Variants in EMILIN2 observed in about 807,000 individuals in gnomAD.
EMILIN2 encodes the protein EMILIN-2.
A neutral mutation model predicts 87.1 loss-of-function variants in EMILIN2; 71 were observed. The ratio of observed to expected loss-of-function variants is 0.82; its 90% CI spans 0.67 to 0.99. The LOEUF (loss-of-function observed/expected upper bound fraction) is 0.99, where lower values mean the gene tolerates loss of function less well. Ranked by LOEUF, EMILIN2 falls within the 50% of genes least tolerant of loss-of-function variation. EMILIN2 has a pLI of 0.00. For synonymous variants in EMILIN2, 581 were observed against 563.4 expected (o/e 1.03, Z -0.44); for missense variants, 1,407 against 1,371.8 (o/e 1.03, Z -0.40).
In EMILIN2 at chr18:2,892,482, A is replaced by C; in HGVS notation, c.2355A>C (p.Ser785=). The C allele has an allele frequency of 6.3e-7, 1 of 1,587,178 alleles. No individual in the cohort carries two copies. Among genetic ancestry groups the C allele is most frequent in the African/African-American group, 1.3e-5 (1 of 74,514 alleles). The part of the protein sequence containing the change: ...DLQDLVKFQP[S]AKAPSPPPPA... ...AAGATCTGGTCAAATTTCAGCCATC[A>C]GCAAGTAAGTTGAATATTACAATTC... The change falls in exon 4 of 8, where the codon TCA becomes TCC. Residue 785 remains serine, a synonymous_variant. Transcript: ENST00000254528.
In EMILIN2 at chr18:2,908,973, C is replaced by T; in HGVS notation, c.2693C>T (p.Pro898Leu). 1 of 1,613,384 alleles carries T rather than the reference C, an allele frequency of 6.2e-7. No individual in the cohort carries two copies. The highest frequency in any genetic ancestry group is 8.5e-7 in the Non-Finnish European group (1 of 1,180,008). The change falls in exon 6 of 8, where the codon CCA becomes CTA. Residue 898 changes from proline to leucine, a missense_variant and splice_region_variant. By Grantham distance (98) the Pro-to-Leu change is moderately conservative. Coordinates refer to ENST00000254528, the MANE Select transcript of EMILIN2 (RefSeq NM_032048.3). ...GYPKSPPVAS[P>L]GAPVPSLVSF... is the part of the protein sequence containing the mutation. ...CCGAAGTCACCTCCTGTAGCTTCCC[C>T]AGGTATGTCTGCTGAGAGACCAGGA...
chr18:2,906,812 GC>G lies in EMILIN2; in HGVS notation c.2393del (p.Pro798ArgfsTer98). ...GCCCTCGCCCCCGCCGCCCGCAGAG[GC>G]CCCGAAGGAGCCGCTGCAGCCCGAG... Reference protein sequence around the residue: ...KAPSPPPPAEAPKEPLQPEPA... With the variant: ...KAPSPPPPAEXPKEPLQPEPA... On this transcript the variant is annotated frameshift_variant, in exon 5 of 8. Transcript: ENST00000254528. LOFTEE classifies it high-confidence loss of function. 1 of 1,313,234 alleles carries G rather than the reference GC, an allele frequency of 7.6e-7. No individual in the cohort carries two copies. The highest frequency in any genetic ancestry group is 9.6e-7 in the Non-Finnish European group (1 of 1,036,764). 81.3% of individuals were successfully genotyped at this position (1,313,234 alleles called of 1,614,324 possible).
intron 2 of EMILIN2, among the ~76,000 whole-genome samples, chr18:2,860,158 C>T (rs1266450411): frequency 6.6e-6 from 1 of 152,118 alleles, no homozygotes; most frequent in Non-Finnish European, 1.5e-5. Flanking sequence ...TTGCTCTTGA[C>T]AGTATGGTCA....
rs1370061592 is a variant in EMILIN2 at position 2,890,489 on chromosome 18, GTTTA to G, written c.434-69_434-66del. 1 of 1,502,136 alleles carries G rather than the reference GTTTA, an allele frequency of 6.7e-7. No homozygotes were observed. Among genetic ancestry groups the G allele is most frequent in the East Asian group, 2.3e-5 (1 of 43,862 alleles). The allele number at this position is 1,502,136 out of a possible 1,614,324, so 93.1% of individuals were successfully genotyped here. A position where few individuals can be genotyped will look rare whatever the true frequency, so the allele number is the denominator to read the frequency against. ...TGTACATGTATTTTGTAGGTACCTT[GTTTA>G]TTGTCTTGGCAGAATCTGGCTAAAG... On this transcript the variant is annotated intron_variant, in intron 3 of 7. Transcript: ENST00000254528. This position sits in a 1 kb window ranked among gnomAD's most constrained non-coding sequence, Gnocchi z 4.7.
chr18:2,899,246 C>A (rs537520326), intron 4 of EMILIN2, among the ~76,000 whole-genome samples: 44 of 152,230 alleles, frequency 2.9e-4, no homozygotes, highest in African/African-American at 9.9e-4. Flanking sequence ...GGGATCTACC[C>A]ACCCCAGGTA....
intron 2 of EMILIN2, among the ~76,000 whole-genome samples, chr18:2,859,881 A>C (rs2076651800): frequency 6.6e-6 from 1 of 152,104 alleles, no homozygotes; most frequent in Admixed American, 6.6e-5. Flanking sequence ...GTTGGCTGTA[A>C]GTATTTGGGT....
At chr18:2,853,731 G>A (rs971100256) in intron 2 of EMILIN2, among the ~76,000 whole-genome samples, 7 of 152,300 alleles carry the variant, frequency 4.6e-5, no homozygotes, top group African/African-American at 7.2e-5. Context: ...GCAGCCCCTG[G>A]AGGTCTCAAT....
chr18:2,876,812 T>C (rs1382676788), intron 2 of EMILIN2, among the ~76,000 whole-genome samples: 1 of 152,242 alleles, frequency 6.6e-6, no homozygotes, highest in Admixed American at 6.5e-5. Context: ...AATCTGATTT[T>C]TATCAGGGCT....
rs949215958 is a variant in EMILIN2 at position 2,907,054 on chromosome 18, C to T, written c.2631C>T (p.Val877=). 91 of 1,270,216 alleles carry T rather than the reference C, an allele frequency of 7.2e-5. 1 individual carries two copies. Among genetic ancestry groups the T allele is most frequent in the Middle Eastern group, 6.0e-4 (2 of 3,310 alleles). 78.7% of individuals were successfully genotyped at this position (1,270,216 alleles called of 1,614,324 possible). A position where few individuals can be genotyped will look rare whatever the true frequency, so the allele number is the denominator to read the frequency against. Residue 877 remains valine (V), a synonymous_variant, in exon 5 of 8, where the codon GTC becomes GTT. Coordinates refer to ENST00000254528, the MANE Select transcript of EMILIN2 (RefSeq NM_032048.3). ...ACGGCCAGACCGGGAGCGGCACCGTCCCCGGCGCAGAAGGCTTCGCGGGCG... is the reference window on the plus strand; with the variant it reads ...ACGGCCAGACCGGGAGCGGCACCGTTCCCGGCGCAGAAGGCTTCGCGGGCG... ...GVDGQTGSGT[V]PGAEGFAGAP...
intron 5 of EMILIN2, among the ~76,000 whole-genome samples, chr18:2,908,231 C>G (rs1477714798): frequency 1.3e-5 from 2 of 152,212 alleles, no homozygotes; most frequent in Non-Finnish European, 2.9e-5. Context: ...TCCACGCACC[C>G]TTCCGTGCAT....
At position 2,891,939 on chromosome 18, in the gene EMILIN2, T is replaced by C. The variant is rs929221181; in HGVS notation, c.1812T>C (p.Leu604=). The change falls in exon 4 of 8, where the codon CTT becomes CTC. Residue 604 remains leucine (L), a synonymous_variant. Coordinates refer to ENST00000254528, the MANE Select transcript of EMILIN2 (RefSeq NM_032048.3). This position sits in a 1 kb window ranked among gnomAD's most constrained non-coding sequence, Gnocchi z 4.6. ...FQETEQTIQK[L]QQDFSFLYSQ... is the part of the protein sequence containing the mutation. ...AAACCGAACAAACCATCCAGAAACT[T>C]CAACAGGATTTTAGTTTTCTTTATT... 7 of 1,614,026 alleles carry C rather than the reference T, an allele frequency of 4.3e-6. No individual in the cohort carries two copies. In the Admixed American group the frequency reaches 8.3e-5, roughly 19 times the overall value.
chr18:2,884,392 T>C (rs901620025), intron 2 of EMILIN2, among the ~76,000 whole-genome samples: 1 of 150,108 alleles, frequency 6.7e-6, no homozygotes, highest in African/African-American at 2.4e-5. Context: ...ACTACAGGCA[T>C]GCGCCACAAC....
intron 2 of EMILIN2, among the ~76,000 whole-genome samples, chr18:2,852,618 A>G (rs1276275258): frequency 2.0e-5 from 3 of 152,200 alleles, no homozygotes; most frequent in African/African-American, 7.2e-5. Context: ...TCCTGGGTTC[A>G]AGCGATTCTC....
intron 3 of EMILIN2, among the ~76,000 whole-genome samples, chr18:2,889,535 G>A (rs1387917018): frequency 6.6e-6 from 1 of 151,822 alleles, no homozygotes; most frequent in Non-Finnish European, 1.5e-5. Context: ...TTACCTCTAT[G>A]TCTATCAATT....
chr18:2,881,108 G>C (rs74945417), intron 2 of EMILIN2, among the ~76,000 whole-genome samples: 2,006 of 152,210 alleles, frequency 0.013, 37 homozygotes, highest in African/African-American at 0.046. Context: ...AGGGATTTGG[G>C]ATTGGACAAC....
At position 2,913,516 on chromosome 18, in the gene EMILIN2, C is replaced by G. The variant is rs1331319783; in HGVS notation, c.*112C>G. The G allele has an allele frequency of 2.3e-6, 2 of 872,202 alleles. No individual in the cohort carries two copies. Among genetic ancestry groups the G allele is most frequent in the Non-Finnish European group, 3.4e-6 (2 of 583,684 alleles). 54.0% of individuals were successfully genotyped at this position (872,202 alleles called of 1,614,324 possible). On this transcript the variant is annotated 3_prime_UTR_variant, in exon 8 of 8. Transcript: ENST00000254528. ...CGGGGCTAGAGTTTCCACATAGGCCCCAACATAAAGGCCTTCCCTCGCTGT... is the reference window on the plus strand; with the variant it reads ...CGGGGCTAGAGTTTCCACATAGGCCGCAACATAAAGGCCTTCCCTCGCTGT...
chr18:2,877,348 A>T (rs1686361750), intron 2 of EMILIN2, among the ~76,000 whole-genome samples: 1 of 152,150 alleles, frequency 6.6e-6, no homozygotes, highest in African/African-American at 2.4e-5. Flanking sequence ...ATGTTTAGCA[A>T]AGTGTCAATA....
intron 7 of EMILIN2, 130 bp downstream of exon 7, chr18:2,909,949 C>T: frequency 1.6e-6 from 2 of 1,268,388 alleles, no homozygotes; most frequent in Non-Finnish European, 2.2e-6. Flanking sequence ...GAGCAGATGC[C>T]CGAGTGGGCC....
intron 2 of EMILIN2, among the ~76,000 whole-genome samples, chr18:2,875,381 C>T (rs1020125075): frequency 3.3e-5 from 5 of 152,106 alleles, no homozygotes; most frequent in Non-Finnish European, 7.4e-5. Flanking sequence ...AGGGAGGGAT[C>T]GTGAGACCAG....
Sources: gnomAD v4.1 joint callset for allele counts (sites outside exome capture counted in the v4.1 genomes callset) on GRCh38, gnomAD v4.1.1 for gene constraint, Gnocchi (gnomAD v3.1) non-coding constraint, MANE v1.5 for transcripts, NCBI Gene and HGNC (gene_info 2026-07-23, HGNC 2026-07-21) for gene names.